CDH23: variants seen among roughly 807,000 people sequenced by gnomAD.
The protein encoded by CDH23 is cadherin related 23.
In CDH23, 189 loss-of-function variants were observed where a neutral mutation model predicts 317.1. The observed-to-expected ratio is 0.60, with a 90% confidence interval of 0.53 to 0.67. CDH23 has a LOEUF of 0.67. Ranked by LOEUF, CDH23 falls within the 30% of genes least tolerant of loss-of-function variation. The pLI is 0.00. For missense variants in CDH23, 4,401 were observed against 4,592.4 expected, an observed-to-expected ratio of 0.96 and a Z score of 1.20; for synonymous variants, 1,839 against 1,876.8, an observed-to-expected ratio of 0.98 and a Z score of 0.52.
chr10:71,489,389 T>C (rs894023055), intron 3 of CDH23, among the ~76,000 whole-genome samples: 1 of 152,224 alleles, frequency 6.6e-6, no homozygotes, highest in African/African-American at 2.4e-5. Context: ...ATTCAAATGA[T>C]CATATTTTGA....
intron 3 of CDH23, among the ~76,000 whole-genome samples, chr10:71,467,315 A>G (rs530919312): frequency 4.3e-4 from 66 of 152,340 alleles, no homozygotes; most frequent in African/African-American, 1.5e-3. Context: ...TTCCGTGTGC[A>G]TGAGAATCCT....
At chr10:71,695,385 G>A (rs1182718757) in intron 21 of CDH23, 33 bp from the exon 22 acceptor site, 6 of 1,481,742 alleles carry the variant, frequency 4.0e-6, no homozygotes, top group Middle Eastern at 1.7e-4. Context: ...TCTCAGCTGG[G>A]TGTGTCTCCC....
intron 30 of CDH23, among the ~76,000 whole-genome samples, chr10:71,729,929 G>T (rs1332298930): frequency 2.6e-5 from 4 of 151,850 alleles, no homozygotes; most frequent in African/African-American, 7.3e-5. Context: ...CTGCCTCCCG[G>T]GTTCACACCA....
chr10:71,761,889 G>T (rs370678491), intron 38 of CDH23: 3 of 1,613,972 alleles, frequency 1.9e-6, no homozygotes, highest in African/African-American at 2.7e-5. Context: ...CTCGAGCTGC[G>T]GTACCACGTC....
intron 26 of CDH23, 101 bp from the exon 27 acceptor site, chr10:71,708,997 T>C (rs1346978035): frequency 1.9e-6 from 2 of 1,045,350 alleles, no homozygotes; most frequent in African/African-American, 1.6e-5. Flanking sequence ...CTCCCACTCC[T>C]GGACTCACCA....
intron 55 of CDH23, among the ~76,000 whole-genome samples, chr10:71,804,885 A>G (rs920932599): frequency 5.3e-5 from 8 of 152,194 alleles, no homozygotes; most frequent in African/African-American, 1.9e-4. Context: ...ACAAATTAAT[A>G]ATAATCTAGT....
intron 41 of CDH23, among the ~76,000 whole-genome samples, chr10:71,779,933 A>G (rs1429633057): frequency 6.6e-6 from 1 of 152,152 alleles, no homozygotes; most frequent in Non-Finnish European, 1.5e-5. Context: ...TCTCAAGTCC[A>G]TTTTCACTCA....
At chr10:71,413,489 TA>T (rs1245649153) in intron 1 of CDH23, among the ~76,000 whole-genome samples, 18 of 152,336 alleles carry the variant, frequency 1.2e-4, no homozygotes, top group Admixed American at 1.2e-3. Context: ...CATAAAATCT[TA>T]GAATGGGTTT....
At chr10:71,457,660 C>T (rs1263065880) in intron 3 of CDH23, among the ~76,000 whole-genome samples, 2 of 152,226 alleles carry the variant, frequency 1.3e-5, no homozygotes, top group Non-Finnish European at 2.9e-5. Flanking sequence ...GGGGCCGGTG[C>T]CTGAGTCCCA....
chr10:71,763,484 C>T (rs543562044), intron 38 of CDH23, among the ~76,000 whole-genome samples: 1 of 152,312 alleles, frequency 6.6e-6, no homozygotes, highest in East Asian at 1.9e-4. Context: ...CTTCCCTGCC[C>T]TTAGAGCCCA....
rs540623281 is a variant in CDH23 at position 71,508,205 on chromosome 10, G to A, written c.146-1877G>A. ...ATCCACATGAATGGACCTTGTGTCT[G>A]GCATATCATAAGAGCCCAGTGAATG... On this transcript the variant is annotated intron_variant, in intron 3 of 69. Coordinates refer to ENST00000224721, the MANE Select transcript of CDH23 (RefSeq NM_022124.6). The A allele has an allele frequency of 7.2e-5, 11 of 152,294 alleles. No individual in the cohort carries two copies. The Middle Eastern group carries it at 0.024, about 330-fold the overall frequency. 9.4% of individuals were successfully genotyped at this position (152,294 alleles called of 1,614,324 possible).
At chr10:71,494,284 C>A (rs182707630) in intron 3 of CDH23, among the ~76,000 whole-genome samples, 5 of 152,266 alleles carry the variant, frequency 3.3e-5, no homozygotes, top group Admixed American at 3.3e-4. Context: ...ATGGCTTTTA[C>A]CTGCTCAAAG....
chr10:71,732,397 G>T lies in CDH23; in HGVS notation c.4104+22G>T, dbSNP rs727502926. The T allele has an allele frequency of 6.4e-7, 1 of 1,552,980 alleles. No individual in the cohort carries two copies. The highest frequency in any genetic ancestry group is 8.7e-7 in the Non-Finnish European group (1 of 1,147,730). On this transcript the variant is annotated intron_variant, in intron 32 of 69. Transcript: ENST00000224721. ...CACGGTGAGGGGCTGGGGGCAGGGAGCACCATTTCTTCCAATCTAACCAAC... is the reference window on the plus strand; with the variant it reads ...CACGGTGAGGGGCTGGGGGCAGGGATCACCATTTCTTCCAATCTAACCAAC...
chr10:71,807,944 G>A lies in CDH23; in HGVS notation c.8659G>A (p.Ala2887Thr). 1 of 1,601,834 alleles carries A rather than the reference G, an allele frequency of 6.2e-7. No individual in the cohort carries two copies. Among genetic ancestry groups the A allele is most frequent in the Non-Finnish European group, 8.5e-7 (1 of 1,174,182 alleles). ...CAGCCTTGTCTTCTACAGCATTCTGGCCATCCACTACTTCCGGGCCCTTGC... is the reference window on the plus strand; with the variant it reads ...CAGCCTTGTCTTCTACAGCATTCTGACCATCCACTACTTCCGGGCCCTTGC... ...NNSLVFYSIL[A>T]IHYFRALAND... is the part of the protein sequence containing the mutation. Residue 2887 changes from alanine to threonine, a missense_variant, in exon 60 of 70, where the codon GCC becomes ACC. Transcript: ENST00000224721.
intron 3 of CDH23, among the ~76,000 whole-genome samples, chr10:71,479,796 C>T (rs1851977355): frequency 6.6e-6 from 1 of 151,992 alleles, no homozygotes; most frequent in South Asian, 2.1e-4. Flanking sequence ...GCATACACTC[C>T]TGTGGGAGCA....
Position 71,739,692 on chromosome 10 carries a change from G to A in CDH23, c.4408G>A (p.Val1470Ile), listed in dbSNP as rs775538505. The change falls in exon 36 of 70, where the codon GTC (valine) becomes ATC (isoleucine). Residue 1470 changes from valine to isoleucine, a missense_variant. By Grantham distance (29) the Val-to-Ile change is conservative (BLOSUM62 3). This residue lies in a region of CDH23 where 3,068 missense variants were observed against 3,203.3 expected (regional missense o/e 0.96). Coordinates refer to ENST00000224721, the MANE Select transcript of CDH23 (RefSeq NM_022124.6). Reference protein sequence around the residue: ...SGNIAGAFEIVTTNDSIGEVF... With the variant: ...SGNIAGAFEIITTNDSIGEVF... ...CAACATCGCGGGGGCCTTTGAGATC[G>A]TCACCACCAATGACTCCATTGGCGA... 2.5e-5 allele frequency: 40 copies of A among 1,613,216 alleles called. No homozygotes were observed. The Admixed American group carries it at 2.5e-4, about 10-fold the overall frequency.
At chr10:71,716,687 T>C (rs866386823) in intron 28 of CDH23, 2 of 220,686 alleles carry the variant, frequency 9.1e-6, no homozygotes, top group Non-Finnish European at 8.8e-6. Context: ...AGACCAACTC[T>C]GTCAATAACT....
chr10:71,569,932 C>T (rs1857668995), intron 7 of CDH23, among the ~76,000 whole-genome samples: 1 of 152,024 alleles, frequency 6.6e-6, no homozygotes, highest in Non-Finnish European at 1.5e-5. Flanking sequence ...CTATGTTGTC[C>T]AGGCTGGAGT....
chr10:71,447,018 C>T (rs1209500396), intron 3 of CDH23, among the ~76,000 whole-genome samples: 1 of 152,192 alleles, frequency 6.6e-6, no homozygotes, highest in Non-Finnish European at 1.5e-5. Context: ...GTGCAGGCAG[C>T]CAAACAGCAG....
Sources: allele counts gnomAD v4.1 joint callset (sites outside exome capture counted in the v4.1 genomes callset), GRCh38; gene constraint gnomAD v4.1.1; regional missense constraint gnomAD v4.1.1; transcripts MANE v1.5; gene names NCBI Gene and HGNC (gene_info 2026-07-23, HGNC 2026-07-21).